The following MAF variants were observed in gnomAD, a reference collection of about 807,000 sequenced individuals.
MAF encodes the protein transcription factor Maf.
MAF carries 10 observed loss-of-function variants against 22.0 expected under a neutral mutation model. The ratio of observed to expected loss-of-function variants is 0.45; its 90% CI spans 0.28 to 0.77. MAF has a LOEUF of 0.77. Among genes scored for constraint, MAF ranks in the 30% least tolerant of loss-of-function variants. The probability of loss-of-function intolerance (pLI) is 0.12; values close to 1 mark genes in which losing one functional copy is unlikely to be tolerated. For missense variants in MAF, 544 were observed against 548.4 expected (o/e 0.99, Z 0.08); for synonymous variants, 337 against 255.8 (o/e 1.32, Z -3.03).
the MAF span, among the ~76,000 whole-genome samples, chr16:79,446,511 T>C: frequency 5.3e-5 from 8 of 152,226 alleles, no homozygotes; most frequent in South Asian, 1.0e-3. Flanking sequence ...TAACTTATAG[T>C]GTTATGATCA....
chr16:79,233,848 C>T, the MAF span, among the ~76,000 whole-genome samples: 12 of 151,826 alleles, frequency 7.9e-5, no homozygotes, highest in South Asian at 1.0e-3. Flanking sequence ...AAAAATTAGC[C>T]GGGTGTGGTG....
At chr16:79,577,735 C>G in the MAF span, among the ~76,000 whole-genome samples, 2 of 152,186 alleles carry the variant, frequency 1.3e-5, no homozygotes, top group African/African-American at 4.8e-5. Context: ...ATAATAGTCT[C>G]CACTGTTGTA....
the MAF span, among the ~76,000 whole-genome samples, chr16:79,550,514 C>T: frequency 6.6e-6 from 1 of 152,130 alleles, no homozygotes; most frequent in Non-Finnish European, 1.5e-5. Flanking sequence ...CACCATGTGA[C>T]CCATTGGGAC....
the MAF span, among the ~76,000 whole-genome samples, chr16:79,351,581 T>A: frequency 6.6e-6 from 1 of 151,838 alleles, no homozygotes; most frequent in Non-Finnish European, 1.5e-5. Flanking sequence ...AATCTCAGAG[T>A]CACAGAGCCC....
chr16:79,594,548 T>C lies in MAF; in HGVS notation c.1124A>G (p.Glu375Gly). ...TGATGGCTCCAACTTGCGAGTGGGC[T>C]CAGTTCTGTAATTGGAATGAAAGGA... Reference protein sequence around the residue: ...NPSSPEFFITEPTRKLEPSVG... With the variant: ...NPSSPEFFITGPTRKLEPSVG... The change falls in exon 2 of 2, where the codon GAG becomes GGG. Residue 375 changes from glutamate to glycine, a missense_variant. Around this residue, in one of 5 missense-constraint regions of MAF, gnomAD observed 129 missense variants for 113.6 expected, o/e 1.14. Transcript: ENST00000326043. The C allele has an allele frequency of 6.4e-7, 1 of 1,560,586 alleles. No individual in the cohort carries two copies. The highest frequency in any genetic ancestry group is 1.2e-5 in the South Asian group (1 of 84,826).
the MAF span, among the ~76,000 whole-genome samples, chr16:79,319,561 G>A: frequency 6.6e-6 from 1 of 152,188 alleles, no homozygotes. Flanking sequence ...TCTGACGTAG[G>A]TGGAAAGGGG....
chr16:79,553,169 T>A, the MAF span, among the ~76,000 whole-genome samples: 2 of 152,256 alleles, frequency 1.3e-5, no homozygotes, highest in Non-Finnish European at 2.9e-5. Context: ...AAATGCCAGC[T>A]GTCATGCTGA....
intron 1 of MAF, 58 bp from the exon 2 acceptor site, chr16:79,594,611 A>C: frequency 6.5e-7 from 1 of 1,546,506 alleles, no homozygotes; most frequent in South Asian, 1.2e-5. Context: ...AACGCAGCGT[A>C]AAGGGGAAAG....
the MAF span, among the ~76,000 whole-genome samples, chr16:79,509,364 G>A: frequency 6.6e-6 from 1 of 152,240 alleles, no homozygotes; most frequent in Non-Finnish European, 1.5e-5. Flanking sequence ...AAGAAGCGGG[G>A]CACATTCCCC....
At chr16:79,515,071 G>A in the MAF span, among the ~76,000 whole-genome samples, 1 of 152,158 alleles carries the variant, frequency 6.6e-6, no homozygotes, top group Admixed American at 6.5e-5. Context: ...GTAAATGGGG[G>A]ACAGAAAAAA....
chr16:79,559,876 TTTGTG>T, the MAF span, among the ~76,000 whole-genome samples: 10 of 152,326 alleles, frequency 6.6e-5, no homozygotes, highest in East Asian at 1.9e-3. Context: ...TTTGGTTTTA[TTTGTG>T]TTGTGTTGTG....
the MAF span, among the ~76,000 whole-genome samples, chr16:79,304,964 A>G: frequency 2.0e-5 from 3 of 148,650 alleles, no homozygotes; most frequent in African/African-American, 7.9e-5. Context: ...CAGCTCATTA[A>G]TGAGCACTAA....
At chr16:79,520,830 T>C in the MAF span, among the ~76,000 whole-genome samples, 2 of 152,136 alleles carry the variant, frequency 1.3e-5, no homozygotes, top group South Asian at 2.1e-4. Flanking sequence ...CTGATGAACA[T>C]TGGCATTGGC....
At chr16:79,567,109 G>A in the MAF span, among the ~76,000 whole-genome samples, 1 of 152,208 alleles carries the variant, frequency 6.6e-6, no homozygotes, top group Non-Finnish European at 1.5e-5. Flanking sequence ...CACAAGGTCA[G>A]GAGTTCGAGA....
the MAF span, among the ~76,000 whole-genome samples, chr16:79,447,711 C>T: frequency 1.3e-5 from 2 of 151,588 alleles, no homozygotes; most frequent in South Asian, 4.2e-4. Context: ...TTCTCATGAA[C>T]GACTAAAGGG....
chr16:79,313,757 G>A, the MAF span, among the ~76,000 whole-genome samples: 1 of 152,100 alleles, frequency 6.6e-6, no homozygotes, highest in Non-Finnish European at 1.5e-5. Context: ...TCTCAATGGG[G>A]AAGAAATCCC....
the MAF span, among the ~76,000 whole-genome samples, chr16:79,262,849 T>A: frequency 6.6e-6 from 1 of 152,112 alleles, no homozygotes; most frequent in Non-Finnish European, 1.5e-5. Flanking sequence ...GTGAACGGTA[T>A]TGAAGGGGTG....
At chr16:79,281,622 C>T in the MAF span, among the ~76,000 whole-genome samples, 2 of 146,462 alleles carry the variant, frequency 1.4e-5, no homozygotes, top group Non-Finnish European at 3.0e-5. Flanking sequence ...CATCTCGGCT[C>T]ACTGCAACCT....
the MAF span, among the ~76,000 whole-genome samples, chr16:79,518,756 C>G: frequency 1.3e-5 from 2 of 152,152 alleles, no homozygotes; most frequent in South Asian, 4.1e-4. Flanking sequence ...GAAACCCCAT[C>G]TCTACTAAAA....
Sources: allele counts gnomAD v4.1 joint callset (sites outside exome capture counted in the v4.1 genomes callset), GRCh38; gene constraint gnomAD v4.1.1; regional missense constraint gnomAD v4.1.1; transcripts MANE v1.5; gene names NCBI Gene and HGNC (gene_info 2026-07-23, HGNC 2026-07-21).